The following TBCK variants were observed in gnomAD, a reference collection of about 807,000 sequenced individuals.
TBCK encodes the protein TBC1 domain containing kinase.
A neutral mutation model predicts 113.4 loss-of-function variants in TBCK; 99 were observed. The ratio of observed to expected loss-of-function variants is 0.87; its 90% CI spans 0.74 to 1.03. The LOEUF is 1.03. TBCK is among the 50% of genes least tolerant of loss of function. The pLI, the probability that TBCK is intolerant of heterozygous loss-of-function variation, is 0.00. For missense variants in TBCK, 1,045 were observed against 1,061.3 expected, an observed-to-expected ratio of 0.98 and a Z score of 0.21; for synonymous variants, 369 against 370.8, an observed-to-expected ratio of 1.00 and a Z score of 0.05.
chr4:106,280,642 T>G (rs776526324), intron 3 of TBCK, among the ~76,000 whole-genome samples: 1 of 152,164 alleles, frequency 6.6e-6, no homozygotes, highest in African/African-American at 2.4e-5. Flanking sequence ...TTCATTCTTC[T>G]GCATACAGAA....
Position 106,200,770 on chromosome 4 carries a change from CA to C in TBCK, c.1861-6017del, listed in dbSNP as rs1210127597. Reference sequence around the variant, plus strand: ...AGAAAAATGTCTGGCACATAATAGGCACACAAATATTTGTTGAAAGGATCAA... The same window carrying C: ...AGAAAAATGTCTGGCACATAATAGGCCACAAATATTTGTTGAAAGGATCAA... On this transcript the variant is annotated intron_variant, in intron 20 of 25. Coordinates refer to ENST00000394708, the MANE Select transcript of TBCK (RefSeq NM_001163435.3). Among the ~76,000 whole-genome samples, 4 of 152,048 alleles carry C rather than the reference CA, an allele frequency of 2.6e-5. No individual in the cohort carries two copies. In the East Asian group the frequency reaches 7.7e-4, roughly 29 times the overall value.
chr4:106,196,055 A>G (rs959904213), intron 20 of TBCK, among the ~76,000 whole-genome samples: 4 of 152,036 alleles, frequency 2.6e-5, no homozygotes, highest in Admixed American at 6.6e-5. Flanking sequence ...GCTTTTTGTT[A>G]CCACTTAATT....
chr4:106,219,418 G>C (rs1413695219), intron 19 of TBCK, among the ~76,000 whole-genome samples: 1 of 150,046 alleles, frequency 6.7e-6, no homozygotes, highest in African/African-American at 2.4e-5. Context: ...AAAATTAAAA[G>C]TATAAAAAAA....
chr4:106,274,867 C>G (rs1763842906), intron 3 of TBCK, among the ~76,000 whole-genome samples: 1 of 152,146 alleles, frequency 6.6e-6, no homozygotes, highest in African/African-American at 2.4e-5. Context: ...CATGGTAGCA[C>G]AGGCCTGTAA....
At chr4:106,157,195 G>A (rs1749231241) in intron 23 of TBCK, among the ~76,000 whole-genome samples, 1 of 152,104 alleles carries the variant, frequency 6.6e-6, no homozygotes, top group Non-Finnish European at 1.5e-5. Context: ...CTATCCTACT[G>A]TGGATGAGCT....
At position 106,144,643 on chromosome 4, in the gene TBCK, T is replaced by TA. The variant is rs547127715; in HGVS notation, c.2235+26451dup. Among the ~76,000 whole-genome samples the TA allele has an allele frequency of 2.1e-4, 32 of 152,288 alleles. No homozygotes were observed. In the South Asian group the frequency reaches 3.1e-3, roughly 15 times the overall value. ...AAAGGAAAAGTAAGTCTGTTCTTTT[T>TA]AAAAAAATGATTATCTTTCTTTTGG... On this transcript the variant is annotated intron_variant, in intron 23 of 25. Transcript: ENST00000394708.
chr4:106,311,472 T>G (rs1186495294), intron 1 of TBCK, among the ~76,000 whole-genome samples: 5 of 152,102 alleles, frequency 3.3e-5, no homozygotes, highest in Admixed American at 6.6e-5. Flanking sequence ...ATTCCAGTTT[T>G]CATAAAACTC....
intron 19 of TBCK, among the ~76,000 whole-genome samples, chr4:106,220,426 G>A (rs377140815): frequency 1.3e-5 from 2 of 151,578 alleles, no homozygotes; most frequent in East Asian, 3.9e-4. Context: ...TTCCAGTATC[G>A]GGCATGTCTT....
At chr4:106,076,169 G>A (rs1489207126) in intron 25 of TBCK, among the ~76,000 whole-genome samples, 2 of 152,214 alleles carry the variant, frequency 1.3e-5, no homozygotes, top group Non-Finnish European at 2.9e-5. Context: ...GCTGTGGGTA[G>A]GAAGTGCTCC....
At chr4:106,280,385 C>T (rs1764466020) in intron 3 of TBCK, among the ~76,000 whole-genome samples, 1 of 152,098 alleles carries the variant, frequency 6.6e-6, no homozygotes, top group African/African-American at 2.4e-5. Flanking sequence ...AGTGTCTCTT[C>T]ACTTTTTAAA....
intron 24 of TBCK, among the ~76,000 whole-genome samples, chr4:106,097,373 T>C (rs1741049290): frequency 6.6e-6 from 1 of 152,160 alleles, no homozygotes; most frequent in Non-Finnish European, 1.5e-5. Context: ...AGAACACTCA[T>C]CCAAGAACAC....
intron 25 of TBCK, among the ~76,000 whole-genome samples, chr4:106,076,344 A>C (rs1738189801): frequency 6.6e-6 from 1 of 152,236 alleles, no homozygotes; most frequent in South Asian, 2.1e-4. Flanking sequence ...ACTATAATTG[A>C]AAGTTGAGAT....
At position 106,233,020 on chromosome 4, in the gene TBCK, T is replaced by C. The variant is rs1211783438; in HGVS notation, c.1557A>G (p.Leu519=). The change falls in exon 17 of 26, where the codon TTA becomes TTG. Residue 519 remains leucine, a synonymous_variant. Transcript: ENST00000394708. ...ATTTTGCATGACCTTCTGGTGATGA[T>C]AACAGTTCATCGTACTGATGACAGC... ...IPRCHQYDEL[L]SSPEGHAKFR... is the part of the protein sequence containing the mutation. 2 of 1,611,996 alleles carry C rather than the reference T, an allele frequency of 1.2e-6. No individual in the cohort carries two copies. Among genetic ancestry groups the C allele is most frequent in the South Asian group, 1.1e-5 (1 of 91,026 alleles).
chr4:106,247,591 T>G (rs554955548), intron 9 of TBCK: 1 of 206,570 alleles, frequency 4.8e-6, no homozygotes, highest in Non-Finnish European at 9.5e-6. Flanking sequence ...TTACTGAATA[T>G]CTTAAATAAT....
chr4:106,155,989 T>C (rs1188286000), intron 23 of TBCK, among the ~76,000 whole-genome samples: 1 of 152,126 alleles, frequency 6.6e-6, no homozygotes, highest in South Asian at 2.1e-4. Context: ...GTATTTATTG[T>C]AGTCTTCACA....
At chr4:106,061,027 G>A (rs1262415148) in intron 25 of TBCK, among the ~76,000 whole-genome samples, 1 of 146,970 alleles carries the variant, frequency 6.8e-6, no homozygotes, top group Admixed American at 6.8e-5. Flanking sequence ...ATGAGGAGTT[G>A]CTTCTTATGA....
chr4:106,260,034 G>C (rs1304742377), intron 5 of TBCK, among the ~76,000 whole-genome samples: 1 of 151,756 alleles, frequency 6.6e-6, no homozygotes, highest in African/African-American at 2.4e-5. Context: ...TAGAGAAAAG[G>C]GAATTAAACA....
chr4:106,206,762 C>T (rs1247380936), intron 20 of TBCK, among the ~76,000 whole-genome samples: 1 of 152,146 alleles, frequency 6.6e-6, no homozygotes, highest in East Asian at 1.9e-4. Flanking sequence ...GCAGTTTAAA[C>T]TCGGCTGAAT....
At chr4:106,265,285 G>A (rs1169256028) in intron 3 of TBCK, among the ~76,000 whole-genome samples, 1 of 151,806 alleles carries the variant, frequency 6.6e-6, no homozygotes, top group Non-Finnish European at 1.5e-5. Context: ...ATATATCTAT[G>A]AGGTACATGA....
Sources: allele counts gnomAD v4.1 joint callset (sites outside exome capture counted in the v4.1 genomes callset), GRCh38; gene constraint gnomAD v4.1.1; transcripts MANE v1.5; gene names NCBI Gene and HGNC (gene_info 2026-07-23, HGNC 2026-07-21).